ASH2L: variants seen among roughly 807,000 people sequenced by gnomAD.
ASH2L encodes ASH2 like, histone lysine methyltransferase complex subunit.
A neutral mutation model predicts 81.1 loss-of-function variants in ASH2L; 30 were observed. The observed-to-expected ratio is 0.37, with a 90% CI of 0.28 to 0.50. The LOEUF is 0.50. Ranked by LOEUF, ASH2L falls within the 20% of genes least tolerant of loss-of-function variation. ASH2L has a pLI of 0.95. For missense variants in ASH2L, 559 were observed against 792.1 expected (o/e 0.71, Z 3.53); for synonymous variants, 273 against 279.9 (o/e 0.98, Z 0.24).
chr8:38,115,816 G>A (rs1020700298), intron 7 of ASH2L, among the ~76,000 whole-genome samples: 5 of 152,118 alleles, frequency 3.3e-5, no homozygotes, highest in African/African-American at 4.8e-5. Flanking sequence ...GCCATTTATC[G>A]CCATTCTGAA....
At chr8:38,107,868 ATGTG>A (rs10542885) in intron 3 of ASH2L, among the ~76,000 whole-genome samples, 7,580 of 141,436 alleles carry the variant, frequency 0.054, 531 homozygotes, top group African/African-American at 0.16. Flanking sequence ...AAATACATAT[ATGTG>A]TGTGTGTGTG....
At chr8:38,133,689 C>G in intron 13 of ASH2L, 143 bp downstream of exon 13, 1 of 632,888 alleles carries the variant, frequency 1.6e-6, no homozygotes, top group Non-Finnish European at 2.7e-6. Flanking sequence ...CAAGCTCACC[C>G]TCTGCTTATT....
chr8:38,136,102 A>AC (rs1802242769), intron 14 of ASH2L, among the ~76,000 whole-genome samples: 1 of 97,862 alleles, frequency 1.0e-5, no homozygotes, highest in African/African-American at 4.1e-5. Flanking sequence ...GCTTACAATG[A>AC]TTTTTTTTTT....
At chr8:38,138,727 T>A (rs2130598176) in intron 14 of ASH2L, 89 bp from the exon 15 acceptor site, 2 of 1,138,534 alleles carry the variant, frequency 1.8e-6, no homozygotes, top group African/African-American at 3.0e-5. Flanking sequence ...TGTAGCCACA[T>A]TTAAAGTGAA....
intron 13 of ASH2L, 49 bp downstream of exon 13, chr8:38,133,595 G>A (rs375373452): frequency 7.3e-7 from 1 of 1,377,976 alleles, no homozygotes; most frequent in African/African-American, 1.5e-5. Flanking sequence ...TTGAGCGTTA[G>A]GACCCATTCC....
At chr8:38,120,479 A>G (rs1410056522) in intron 9 of ASH2L, among the ~76,000 whole-genome samples, 20 of 152,032 alleles carry the variant, frequency 1.3e-4, no homozygotes, top group Admixed American at 1.3e-3. Context: ...CAGTGATGGA[A>G]TCTCGGCTCA....
intron 1 of ASH2L, 39 bp from the exon 2 acceptor site, chr8:38,106,339 C>G (rs779641581): frequency 1.3e-6 from 2 of 1,596,694 alleles, no homozygotes; most frequent in Admixed American, 1.7e-5. Flanking sequence ...TGAGGTTTGT[C>G]TTGAGAATTC....
intron 10 of ASH2L, among the ~76,000 whole-genome samples, chr8:38,126,103 T>C (rs1478250144): frequency 6.6e-6 from 1 of 151,210 alleles, no homozygotes; most frequent in Admixed American, 6.6e-5. Context: ...CTTGGGAGGC[T>C]GAGGTGGGAG....
At chr8:38,127,869 A>C (rs2130552109) in intron 10 of ASH2L, among the ~76,000 whole-genome samples, 1 of 151,530 alleles carries the variant, frequency 6.6e-6, no homozygotes, top group East Asian at 1.9e-4. Context: ...AACATGGTGA[A>C]ACCCTGTCTC....
At chr8:38,109,210 CTATT>C (rs777322177) in intron 3 of ASH2L, among the ~76,000 whole-genome samples, 5 of 152,192 alleles carry the variant, frequency 3.3e-5, no homozygotes, top group Non-Finnish European at 4.4e-5. Flanking sequence ...ATTAAAATAA[CTATT>C]TACCTACCTA....
intron 10 of ASH2L, among the ~76,000 whole-genome samples, chr8:38,121,806 G>T (rs1461089379): frequency 7.2e-5 from 11 of 152,198 alleles, no homozygotes; most frequent in Non-Finnish European, 1.5e-4. Flanking sequence ...TGGGATTCAT[G>T]ATGTCAGTAG....
At position 38,114,287 on chromosome 8, in the gene ASH2L, G is replaced by C. The variant is rs1422046877; in HGVS notation, c.681G>C (p.Met227Ile). The C allele has an allele frequency of 6.3e-7, 1 of 1,579,830 alleles. No individual in the cohort carries two copies. The highest frequency in any genetic ancestry group is 8.6e-7 in the Non-Finnish European group (1 of 1,159,442). ...MTWPNNIVKTMSKERDVFLVK... is the reference protein window; with the variant it reads ...MTWPNNIVKTISKERDVFLVK... ...GGCCAAATAACATTGTTAAAACAAT[G>C]GTAAGTAGATTAAAATTGATTAGAC... The change falls in exon 6 of 16, where the codon ATG becomes ATC. Residue 227 changes from methionine (M) to isoleucine (I), a missense_variant and splice_region_variant. Met to Ile is a conservative substitution (Grantham distance 10, BLOSUM62 1). This residue lies in a region of ASH2L where 318 missense variants were observed against 527.0 expected (regional missense o/e 0.60). Transcript: ENST00000343823.
intron 8 of ASH2L, 86 bp downstream of exon 8, chr8:38,116,811 C>T: frequency 8.9e-7 from 1 of 1,126,228 alleles, no homozygotes; most frequent in Non-Finnish European, 1.3e-6. Flanking sequence ...TTGGGTTGAC[C>T]CTTAACCTGG....
rs539283667 is a variant in ASH2L at position 38,125,540 on chromosome 8, G to A, written c.1166-2751G>A. Among the ~76,000 whole-genome samples, 4 of 151,928 alleles carry A rather than the reference G, an allele frequency of 2.6e-5. No homozygotes were observed. In the South Asian group the frequency reaches 6.2e-4, roughly 24 times the overall value. ...GGAGAATCTCTTCAACCTGGGAGGC[G>A]GAGGTTGCAGTGAGCCGAGATCGCG... On this transcript the variant is annotated intron_variant, in intron 10 of 15. Transcript: ENST00000343823.
intron 13 of ASH2L, among the ~76,000 whole-genome samples, chr8:38,134,787 T>C (rs115031252): frequency 0.012 from 1,799 of 152,156 alleles, 49 homozygotes; most frequent in African/African-American, 0.041. Flanking sequence ...AATTATTAGA[T>C]CTAAAGATGC....
At chr8:38,128,979 C>G in intron 12 of ASH2L, 28 bp downstream of exon 12, 2 of 1,600,350 alleles carry the variant, frequency 1.2e-6, no homozygotes, top group Non-Finnish European at 1.7e-6. Flanking sequence ...CGGCAGATTC[C>G]TGGCTTTGAA....
chr8:38,108,019 C>G (rs914261364), intron 3 of ASH2L, among the ~76,000 whole-genome samples: 1 of 151,872 alleles, frequency 6.6e-6, no homozygotes, highest in Non-Finnish European at 1.5e-5. Context: ...TCTGCAGCCT[C>G]GAACTTCTGA....
chr8:38,116,403 T>A (rs1451438027), intron 7 of ASH2L, among the ~76,000 whole-genome samples: 1 of 151,314 alleles, frequency 6.6e-6, no homozygotes, highest in East Asian at 1.9e-4. Flanking sequence ...CGTGTTGGTG[T>A]GTGCCTATAA....
At chr8:38,133,049 T>G (rs1802121045) in intron 12 of ASH2L, among the ~76,000 whole-genome samples, 1 of 151,022 alleles carries the variant, frequency 6.6e-6, no homozygotes, top group Non-Finnish European at 1.5e-5. Flanking sequence ...ATCACACCAT[T>G]GCACTCCAGC....
Sources: allele counts gnomAD v4.1 joint callset (sites outside exome capture counted in the v4.1 genomes callset), GRCh38; gene constraint gnomAD v4.1.1; regional missense constraint gnomAD v4.1.1; transcripts MANE v1.5; gene names NCBI Gene and HGNC (gene_info 2026-07-23, HGNC 2026-07-21).